The following TGM3 variants were observed in gnomAD, a reference collection of about 807,000 sequenced individuals.
The protein encoded by TGM3 is transglutaminase 3.
A neutral mutation model predicts 73.8 loss-of-function variants in TGM3; 52 were observed. That is an observed-to-expected ratio of 0.70 (90% CI 0.56 to 0.89). TGM3 has a LOEUF of 0.89. Among genes scored for constraint, TGM3 ranks in the 40% least tolerant of loss-of-function variants. TGM3 has a pLI of 0.00. For synonymous variants in TGM3, 372 were observed against 354.9 expected (o/e 1.05, Z -0.54); for missense variants, 928 against 909.9 (o/e 1.02, Z -0.26).
intron 7 of TGM3, among the ~76,000 whole-genome samples, chr20:2,322,790 T>C (rs1006960738): frequency 1.1e-4 from 17 of 152,362 alleles, no homozygotes; most frequent in African/African-American, 4.1e-4. Flanking sequence ...ACTTTCTGTG[T>C]TAACACTGTG....
Position 2,300,232 on chromosome 20 carries a change from G to A in TGM3, c.7+4162G>A, listed in dbSNP as rs112886383. Among the ~76,000 whole-genome samples the A allele has an allele frequency of 0.016, 610 of 38,048 alleles. 3 individuals are homozygous for A. In the South Asian group the frequency reaches 0.21, roughly 13 times the overall value. The allele number at this position is 38,048 out of a possible 152,430, so 25.0% of individuals were successfully genotyped here. On this transcript the variant is annotated intron_variant, in intron 1 of 12. Coordinates refer to ENST00000381458, the MANE Select transcript of TGM3 (RefSeq NM_003245.4). ...GAAAGAAAGAGAAGAAAGAAAGAAA[G>A]AAAAAAAGAAAGAAAGAAAGAAAAG...
chr20:2,317,289 G>T, intron 6 of TGM3, 44 bp downstream of exon 6: 1 of 1,613,784 alleles, frequency 6.2e-7, no homozygotes, highest in Non-Finnish European at 8.5e-7. Context: ...GTGGGTGGCA[G>T]TGGGCTATGC....
At chr20:2,327,697 C>T (rs1002285489) in intron 8 of TGM3, among the ~76,000 whole-genome samples, 1 of 152,108 alleles carries the variant, frequency 6.6e-6, no homozygotes, top group African/African-American at 2.4e-5. Flanking sequence ...GGCTTGGGAG[C>T]TCAGAGGAAC....
intron 11 of TGM3, 63 bp from the exon 12 acceptor site, chr20:2,339,791 A>C (rs1319210347): frequency 4.5e-5 from 72 of 1,607,056 alleles, no homozygotes; most frequent in Non-Finnish European, 5.9e-5. Context: ...CCCAGCCCTC[A>C]CCAAGGTGCA....
chr20:2,318,016 G>T (rs1186305771), intron 7 of TGM3, among the ~76,000 whole-genome samples: 1 of 150,178 alleles, frequency 6.7e-6, no homozygotes, highest in African/African-American at 2.4e-5. Flanking sequence ...CTGGATTCCG[G>T]ATGAAAACAA....
chr20:2,313,049 C>A, intron 5 of TGM3, 23 bp downstream of exon 5: 1 of 1,613,852 alleles, frequency 6.2e-7, no homozygotes, highest in Admixed American at 1.7e-5. Context: ...AAAACGATCA[C>A]AGCTAGTTGT....
chr20:2,305,671 A>C (rs1478287277), intron 1 of TGM3, among the ~76,000 whole-genome samples: 3 of 152,194 alleles, frequency 2.0e-5, no homozygotes, highest in African/African-American at 7.2e-5. Flanking sequence ...ACAGGGAGCA[A>C]GGCTCGTTGG....
At chr20:2,327,331 C>A (rs1190788167) in intron 8 of TGM3, among the ~76,000 whole-genome samples, 1 of 151,554 alleles carries the variant, frequency 6.6e-6, no homozygotes, top group Admixed American at 6.6e-5. Context: ...AAAAAATTAG[C>A]CGGGCGTGGT....
At chr20:2,329,127 T>C (rs138664790) in intron 9 of TGM3, among the ~76,000 whole-genome samples, 1 of 152,324 alleles carries the variant, frequency 6.6e-6, no homozygotes, top group Non-Finnish European at 1.5e-5. Flanking sequence ...CCACAGTCAC[T>C]CCTAAATGGG....
intron 7 of TGM3, among the ~76,000 whole-genome samples, chr20:2,318,550 T>A (rs896619074): frequency 1.3e-5 from 2 of 152,216 alleles, no homozygotes; most frequent in African/African-American, 4.8e-5. Context: ...TATTACCGGA[T>A]GGCAATTGGC....
At chr20:2,314,530 TACACACACACACACACACAC>T (rs11473649) in intron 5 of TGM3, among the ~76,000 whole-genome samples, 3 of 136,704 alleles carry the variant, frequency 2.2e-5, no homozygotes, top group Non-Finnish European at 4.7e-5. Context: ...CATCTACACA[TACACACACACACACACACAC>T]ACACACACAC....
At chr20:2,312,473 T>C (rs1356272303) in intron 4 of TGM3, among the ~76,000 whole-genome samples, 2 of 149,392 alleles carry the variant, frequency 1.3e-5, no homozygotes, top group East Asian at 3.9e-4. Context: ...GGCCTAATTA[T>C]ACAGATGGAG....
chr20:2,296,334 C>T (rs531985604), intron 1 of TGM3, among the ~76,000 whole-genome samples: 4 of 152,274 alleles, frequency 2.6e-5, no homozygotes, highest in Admixed American at 2.0e-4. Flanking sequence ...GACATCGCAT[C>T]TCCTTAGGCA....
intron 1 of TGM3, among the ~76,000 whole-genome samples, chr20:2,305,520 A>G (rs1320481613): frequency 1.3e-5 from 2 of 152,186 alleles, no homozygotes; most frequent in Admixed American, 6.5e-5. Flanking sequence ...TCCTCATTGT[A>G]AGATTTCACT....
At chr20:2,322,511 G>A (rs1327378269) in intron 7 of TGM3, among the ~76,000 whole-genome samples, 1 of 152,114 alleles carries the variant, frequency 6.6e-6, no homozygotes, top group East Asian at 1.9e-4. Context: ...CGTCGTAAGT[G>A]CATCATATTC....
chr20:2,333,839 T>C (rs1030181928), intron 10 of TGM3, among the ~76,000 whole-genome samples: 3 of 152,362 alleles, frequency 2.0e-5, no homozygotes, highest in Admixed American at 6.5e-5. Flanking sequence ...AGTTGCTAGA[T>C]GACCCTGGTT....
At chr20:2,300,894 G>A (rs572009097) in intron 1 of TGM3, among the ~76,000 whole-genome samples, 40 of 152,120 alleles carry the variant, frequency 2.6e-4, no homozygotes, top group African/African-American at 7.0e-4. Flanking sequence ...TGGGGGCCCC[G>A]GTGCTAGTGA....
chr20:2,304,268 A>G (rs561837980), intron 1 of TGM3, among the ~76,000 whole-genome samples: 1 of 152,246 alleles, frequency 6.6e-6, no homozygotes, highest in East Asian at 1.9e-4. Flanking sequence ...GGGGGCTGGC[A>G]GAGCAATCCT....
intron 7 of TGM3, among the ~76,000 whole-genome samples, chr20:2,318,023 A>G (rs1017104565): frequency 2.0e-5 from 3 of 151,148 alleles, no homozygotes; most frequent in Non-Finnish European, 1.5e-5. Flanking sequence ...CCGGATGAAA[A>G]CAATTATTTT....
Sources: gnomAD v4.1 joint callset for allele counts (sites outside exome capture counted in the v4.1 genomes callset) on GRCh38, gnomAD v4.1.1 for gene constraint, MANE v1.5 for transcripts, NCBI Gene and HGNC (gene_info 2026-07-23, HGNC 2026-07-21) for gene names.